Variants in CLVS1 observed in about 807,000 individuals in gnomAD.
The protein encoded by CLVS1 is clavesin 1.
Under a neutral mutation model 33.1 loss-of-function variants are expected in CLVS1, and 10 were observed. The observed-to-expected ratio is 0.30, with a 90% CI of 0.19 to 0.51. The LOEUF is 0.51. Among genes scored for constraint, CLVS1 ranks in the 20% least tolerant of loss-of-function variants. The pLI, the probability that CLVS1 is intolerant of heterozygous loss-of-function variation, is 0.97. For synonymous variants in CLVS1, 163 were observed against 166.1 expected, an observed-to-expected ratio of 0.98 and a Z score of 0.14; for missense variants, 343 against 433.4, an observed-to-expected ratio of 0.79 and a Z score of 1.85.
At chr8:61,256,332 G>A (rs1450772736) in intron 2 of CLVS1, among the ~76,000 whole-genome samples, 1 of 152,188 alleles carries the variant, frequency 6.6e-6, no homozygotes, top group Non-Finnish European at 1.5e-5. Flanking sequence ...GGCTAACAGG[G>A]TGAAACCCTG....
intron 2 of CLVS1, among the ~76,000 whole-genome samples, chr8:61,311,002 G>A (rs1258366574): frequency 1.3e-5 from 2 of 152,160 alleles, no homozygotes; most frequent in East Asian, 3.9e-4. Context: ...CTGTGAGGAC[G>A]AAATGAGGTA....
At chr8:61,026,853 G>A in the CLVS1 span, among the ~76,000 whole-genome samples, 1 of 152,086 alleles carries the variant, frequency 6.6e-6, no homozygotes, top group East Asian at 1.9e-4. Context: ...AACTCCAGAG[G>A]TATTACCACA....
At chr8:61,401,819 C>T (rs1814775771) in intron 3 of CLVS1, among the ~76,000 whole-genome samples, 1 of 152,100 alleles carries the variant, frequency 6.6e-6, no homozygotes, top group East Asian at 1.9e-4. Context: ...TCTTCACCTC[C>T]TAATTGTACT....
the CLVS1 span, among the ~76,000 whole-genome samples, chr8:61,048,769 C>T: frequency 6.6e-6 from 1 of 152,116 alleles, no homozygotes. Context: ...CAAGGCTAGA[C>T]TCTACCTGAG....
At chr8:61,421,723 T>C (rs1482928588) in intron 3 of CLVS1, among the ~76,000 whole-genome samples, 1 of 152,222 alleles carries the variant, frequency 6.6e-6, no homozygotes, top group African/African-American at 2.4e-5. Flanking sequence ...CCTCAATCAA[T>C]TTCCATCTCC....
intron 2 of CLVS1, among the ~76,000 whole-genome samples, chr8:61,303,426 C>T (rs1810506496): frequency 6.6e-6 from 1 of 152,178 alleles, no homozygotes; most frequent in South Asian, 2.1e-4. Context: ...GCTCTAATGG[C>T]TCATGAATGT....
intron 2 of CLVS1, among the ~76,000 whole-genome samples, chr8:61,233,151 G>A (rs866984768): frequency 3.7e-4 from 56 of 152,144 alleles, no homozygotes; most frequent in African/African-American, 1.4e-3. Flanking sequence ...AGAGGAAATT[G>A]TACCCATCCT....
intron 3 of CLVS1, among the ~76,000 whole-genome samples, chr8:61,428,423 A>C (rs1815975998): frequency 6.6e-6 from 1 of 152,234 alleles, no homozygotes; most frequent in Non-Finnish European, 1.5e-5. Flanking sequence ...ACAATGGCTA[A>C]TAATAAAATA....
intron 5 of CLVS1, among the ~76,000 whole-genome samples, chr8:61,493,412 T>C (rs1427527903): frequency 6.6e-6 from 1 of 152,204 alleles, no homozygotes; most frequent in Non-Finnish European, 1.5e-5. Flanking sequence ...AGAATAAATG[T>C]GTATACCCAG....
At chr8:61,241,977 C>T (rs1269322933) in intron 2 of CLVS1, among the ~76,000 whole-genome samples, 1 of 151,922 alleles carries the variant, frequency 6.6e-6, no homozygotes, top group Non-Finnish European at 1.5e-5. Context: ...TTTTTACAGT[C>T]TCTGTGGTCT....
Position 61,136,157 on chromosome 8 carries a change from T to C in CLVS1, c.-152+4297T>C, listed in dbSNP as rs1399872274. On this transcript the variant is annotated intron_variant, in intron 2 of 2. Transcript: ENST00000522621. ...ATGTACACTAAGGTTTGAGAACCAT[T>C]GTTCCTGGACTGCAGTTTCTAACTG... Among the ~76,000 whole-genome samples, 5 of 152,252 alleles carry C rather than the reference T, an allele frequency of 3.3e-5. No individual in the cohort carries two copies. In the East Asian group the frequency reaches 9.6e-4, roughly 29 times the overall value.
chr8:61,157,299 A>AAATCTCTTC (rs1245387426), intron 2 of CLVS1, among the ~76,000 whole-genome samples: 1 of 152,248 alleles, frequency 6.6e-6, no homozygotes, highest in African/African-American at 2.4e-5. Flanking sequence ...AGGGAAAGGA[A>AAATCTCTTC]AATCTCTTCA....
intron 2 of CLVS1, among the ~76,000 whole-genome samples, chr8:61,319,622 T>C (rs1252637628): frequency 6.6e-6 from 1 of 152,144 alleles, no homozygotes; most frequent in African/African-American, 2.4e-5. Flanking sequence ...TTCAAGACCC[T>C]CATTCCTCTG....
the CLVS1 span, among the ~76,000 whole-genome samples, chr8:61,022,150 C>T: frequency 4.7e-4 from 71 of 152,312 alleles, no homozygotes; most frequent in African/African-American, 1.6e-3. Context: ...GGGTTTTTTA[C>T]GAGTTTAGAC....
chr8:61,310,102 C>G (rs1294542846), intron 2 of CLVS1, among the ~76,000 whole-genome samples: 1 of 152,110 alleles, frequency 6.6e-6, no homozygotes, highest in African/African-American at 2.4e-5. Flanking sequence ...GGTAACCCTG[C>G]CCCCAAAGCC....
chr8:61,232,041 T>TTTTTTTTTTTTTGTTTTGTTTTG (rs1554548394), intron 2 of CLVS1, among the ~76,000 whole-genome samples: 2 of 116,004 alleles, frequency 1.7e-5, no homozygotes, highest in African/African-American at 4.8e-5. Flanking sequence ...TTTTTTTTTT[T>TTTTTTTTTTTTTGTTTTGTTTTG]TTTTTTTTTG....
At chr8:60,994,373 A>G in the CLVS1 span, among the ~76,000 whole-genome samples, 139 of 152,366 alleles carry the variant, frequency 9.1e-4, no homozygotes, top group Non-Finnish European at 2.6e-4. Flanking sequence ...TGAGGGGGAC[A>G]TAACATAACA....
upstream of CLVS1, among the ~76,000 whole-genome samples, chr8:61,055,892 T>G (rs1804465971): frequency 1.3e-5 from 2 of 152,220 alleles, no homozygotes; most frequent in Admixed American, 1.3e-4. Flanking sequence ...CATGATATGG[T>G]TCAGAGGCCT....
intron 2 of CLVS1, among the ~76,000 whole-genome samples, chr8:61,184,611 A>C (rs1045576509): frequency 1.3e-5 from 2 of 152,290 alleles, no homozygotes; most frequent in African/African-American, 4.8e-5. Flanking sequence ...CCTAGAGAGA[A>C]AACGGTAGGC....
Sources: allele counts gnomAD v4.1 joint callset (sites outside exome capture counted in the v4.1 genomes callset), GRCh38; gene constraint gnomAD v4.1.1; transcripts MANE v1.5; gene names NCBI Gene and HGNC (gene_info 2026-07-23, HGNC 2026-07-21).